ADCY3: variants seen among roughly 807,000 people sequenced by gnomAD.
ADCY3 encodes the protein adenylate cyclase type 3.
In ADCY3, 70 loss-of-function variants were observed where a neutral mutation model predicts 119.4. That is an observed-to-expected ratio of 0.59 (90% CI 0.48 to 0.72). ADCY3 has a LOEUF of 0.72. Among genes scored for constraint, ADCY3 ranks in the 30% least tolerant of loss-of-function variants. The probability of loss-of-function intolerance (pLI) is 0.00; values close to 1 mark genes in which losing one functional copy is unlikely to be tolerated. For missense variants in ADCY3, 1,238 were observed against 1,541.6 expected, an observed-to-expected ratio of 0.80 and a Z score of 3.30; for synonymous variants, 672 against 621.4, an observed-to-expected ratio of 1.08 and a Z score of -1.21.
At chr2:24,821,783 C>G in intron 19 of ADCY3, 143 bp from the exon 20 acceptor site, 1 of 1,253,742 alleles carries the variant, frequency 8.0e-7, no homozygotes, top group East Asian at 2.4e-5. Context: ...AAAGGAGTCG[C>G]AGCCACGCTA....
At chr2:24,911,215 T>TTC (rs753630655) in intron 2 of ADCY3, among the ~76,000 whole-genome samples, 8 of 141,542 alleles carry the variant, frequency 5.7e-5, no homozygotes, top group Non-Finnish European at 1.1e-4. Flanking sequence ...GATATAAGGG[T>TTC]TCTTTTTTTT....
At chr2:24,847,388 A>C (rs1671776347) in intron 3 of ADCY3, among the ~76,000 whole-genome samples, 1 of 152,174 alleles carries the variant, frequency 6.6e-6, no homozygotes, top group South Asian at 2.1e-4. Context: ...CAGCAGCATG[A>C]ATGTGGACTA....
At chr2:24,892,312 G>A (rs1457179038) in intron 2 of ADCY3, among the ~76,000 whole-genome samples, 8 of 150,602 alleles carry the variant, frequency 5.3e-5, no homozygotes, top group South Asian at 4.2e-4. Context: ...GCAGTGGCGC[G>A]ATCTCGGCTC....
intron 3 of ADCY3, among the ~76,000 whole-genome samples, chr2:24,855,995 G>A (rs1346819422): frequency 1.3e-5 from 2 of 152,226 alleles, no homozygotes; most frequent in African/African-American, 2.4e-5. Context: ...GGCCCGAGCT[G>A]TTACAGCTGA....
intron 16 of ADCY3, chr2:24,825,698 T>C (rs891373946): frequency 3.4e-5 from 9 of 261,384 alleles, no homozygotes; most frequent in African/African-American, 9.1e-5. Flanking sequence ...GTTGTGTTAA[T>C]GTCCCTCAGC....
chr2:24,838,288 C>T (rs1670550496), intron 8 of ADCY3, among the ~76,000 whole-genome samples, 157 bp downstream of exon 8: 1 of 152,032 alleles, frequency 6.6e-6, no homozygotes, highest in Non-Finnish European at 1.5e-5. Context: ...AACCAGCTCT[C>T]CCTTGGGAAG....
intron 3 of ADCY3, among the ~76,000 whole-genome samples, chr2:24,862,555 A>T (rs977389485): frequency 2.0e-5 from 3 of 151,686 alleles, no homozygotes; most frequent in Non-Finnish European, 2.9e-5. Context: ...CAAAAAAAAA[A>T]AATTAATTAA....
intron 3 of ADCY3, among the ~76,000 whole-genome samples, chr2:24,861,823 CA>C (rs1358194916): frequency 6.6e-6 from 1 of 152,242 alleles, no homozygotes; most frequent in Non-Finnish European, 1.5e-5. Context: ...ACCCTGACTT[CA>C]GCCGGTGCCT....
At chr2:24,824,187 C>T (rs1354038660) in intron 17 of ADCY3, among the ~76,000 whole-genome samples, 191 bp downstream of exon 17, 1 of 152,248 alleles carries the variant, frequency 6.6e-6, no homozygotes, top group East Asian at 1.9e-4. Context: ...ACGATGCCTA[C>T]AGCAGTGCAC....
intron 2 of ADCY3, among the ~76,000 whole-genome samples, chr2:24,894,953 T>C (rs1239654977): frequency 1.3e-5 from 2 of 152,168 alleles, no homozygotes; most frequent in Non-Finnish European, 2.9e-5. Context: ...TGACCACACA[T>C]CTGCTGTCAT....
At chr2:24,856,298 T>C (rs1287828682) in intron 3 of ADCY3, among the ~76,000 whole-genome samples, 4 of 152,200 alleles carry the variant, frequency 2.6e-5, no homozygotes, top group Non-Finnish European at 5.9e-5. Context: ...TGTTTGTCTG[T>C]AGGGTAGGTG....
intron 2 of ADCY3, among the ~76,000 whole-genome samples, chr2:24,884,106 G>C (rs1379864691): frequency 6.6e-6 from 1 of 151,990 alleles, no homozygotes; most frequent in Non-Finnish European, 1.5e-5. Context: ...GGGACATTCA[G>C]CATTTTTTTT....
In ADCY3 at chr2:24,878,770, G is replaced by A. The variant is rs766936703; in HGVS notation, c.676-6051C>T. On this transcript the variant is annotated intron_variant, in intron 2 of 21. Coordinates refer to ENST00000679454, the MANE Select transcript of ADCY3 (RefSeq NM_004036.5). The surrounding 1 kb of genome is among the most constrained non-coding windows in gnomAD (Gnocchi z 4.0). ...TTCTGGGGCCACTCTCGCTGCAGAC[G>A]CCTGTAGAGGCTGCTGCAGTGGCTC... 6.6e-5 allele frequency among the ~76,000 whole-genome samples: 10 copies of A among 152,176 alleles called. No individual in the cohort carries two copies. The highest frequency in any genetic ancestry group is 2.1e-4 in the South Asian group (1 of 4,830).
At chr2:24,822,754 G>C in intron 18 of ADCY3, 124 bp from the exon 19 acceptor site, 1 of 1,324,670 alleles carries the variant, frequency 7.5e-7, no homozygotes, top group Non-Finnish European at 1.0e-6. Context: ...TATCAAAGTT[G>C]TTACTTAGTC....
At chr2:24,890,243 T>C (rs998235077) in intron 2 of ADCY3, among the ~76,000 whole-genome samples, 6 of 152,212 alleles carry the variant, frequency 3.9e-5, no homozygotes, top group African/African-American at 1.4e-4. Context: ...CTGTTAAAGA[T>C]TTTTGCTTAC....
chr2:24,888,065 C>T (rs1677271378), intron 2 of ADCY3, among the ~76,000 whole-genome samples: 1 of 152,226 alleles, frequency 6.6e-6, no homozygotes, highest in Non-Finnish European at 1.5e-5. Context: ...CATTCTAAGG[C>T]TCCATCCTCA....
intron 17 of ADCY3, 26 bp from the exon 18 acceptor site, chr2:24,823,381 T>C: frequency 1.2e-6 from 2 of 1,606,128 alleles, no homozygotes; most frequent in Non-Finnish European, 1.7e-6. Context: ...GACAACGTGC[T>C]CAAAGCATGT....
At chr2:24,827,821 A>G (rs1280974838) in intron 14 of ADCY3, 81 bp downstream of exon 14, 13 of 1,585,722 alleles carry the variant, frequency 8.2e-6, no homozygotes, top group Admixed American at 3.4e-5. Context: ...CCACCTCAGC[A>G]CAGGCCCATG....
Position 24,918,715 on chromosome 2 carries a change from G to A in ADCY3, c.273C>T (p.Tyr91=), listed in dbSNP as rs769000000. Residue 91 remains tyrosine, a synonymous_variant, in exon 2 of 22, where the codon TAC becomes TAT. Coordinates refer to ENST00000679454, the MANE Select transcript of ADCY3 (RefSeq NM_004036.5). The surrounding 1 kb of genome is among the most constrained non-coding windows in gnomAD (Gnocchi z 5.4). ...LVVFAALFDC[Y]VVVMCAVVFS... is the part of the protein sequence containing the mutation. ...AGACCACAGCACACATGACCACCAC[G>A]TAGCAGTCAAAGAGGGCTGCAAAGA... 9 of 1,613,986 alleles carry A rather than the reference G, an allele frequency of 5.6e-6. No homozygotes were observed. The highest frequency in any genetic ancestry group is 1.1e-5 in the South Asian group (1 of 91,088).
Sources: allele counts gnomAD v4.1 joint callset (sites outside exome capture counted in the v4.1 genomes callset), GRCh38; gene constraint gnomAD v4.1.1; non-coding constraint Gnocchi (gnomAD v3.1); transcripts MANE v1.5; gene names NCBI Gene and HGNC (gene_info 2026-07-23, HGNC 2026-07-21).